The following ZFHX3 variants were observed in gnomAD, a reference collection of about 807,000 sequenced individuals.
The protein encoded by ZFHX3 is zinc finger homeobox protein 3.
Under a neutral mutation model 279.1 loss-of-function variants are expected in ZFHX3, and 42 were observed. The ratio of observed to expected loss-of-function variants is 0.15; its 90% CI spans 0.12 to 0.19. The LOEUF (loss-of-function observed/expected upper bound fraction) is 0.19. ZFHX3 is among the 10% of genes least tolerant of loss of function. ZFHX3 has a pLI of 1.00. For missense variants in ZFHX3, 4,981 were observed against 4,754.0 expected (o/e 1.05, Z -1.40); for synonymous variants, 2,293 against 1,957.8 (o/e 1.17, Z -4.52).
intron 5 of ZFHX3, among the ~76,000 whole-genome samples, chr16:72,823,655 T>C (rs1445762572): frequency 6.6e-6 from 1 of 152,218 alleles, no homozygotes; most frequent in Non-Finnish European, 1.5e-5. Context: ...GGGAAAGTTA[T>C]TAGCATTCCA....
chr16:73,727,297 T>TC (rs778751811), intron 1 of ZFHX3, among the ~76,000 whole-genome samples: 2 of 152,172 alleles, frequency 1.3e-5, no homozygotes, highest in Non-Finnish European at 2.9e-5. Context: ...GGGGACCCTC[T>TC]CCTTCAGCTA....
rs889870662 is a variant in ZFHX3, at chr16:73,556,952, G to T, written c.-1546-100694C>A. On this transcript the variant is annotated intron_variant, in intron 2 of 17. Coordinates refer to the ZFHX3 transcript ENST00000641206. ...CTACTAAAAATACAAAAAATTAGCT[G>T]GGCATGGTGGTGGGCGCCTGTAGTC... 4.6e-5 allele frequency among the ~76,000 whole-genome samples: 7 copies of T among 151,858 alleles called. No homozygotes were observed. The East Asian group carries it at 9.7e-4, about 21-fold the overall frequency.
chr16:73,224,158 C>T (rs998824984), intron 5 of ZFHX3, among the ~76,000 whole-genome samples: 1 of 151,980 alleles, frequency 6.6e-6, no homozygotes, highest in African/African-American at 2.4e-5. Flanking sequence ...AAGAGTGAAC[C>T]CTGATGTGAA....
rs1327288023 is a variant in ZFHX3 at position 73,473,352 on chromosome 16, A to C, written c.-1546-17094T>G. Among the ~76,000 whole-genome samples the C allele has an allele frequency of 1.2e-3, 60 of 49,086 alleles. 1 individual carries two copies. The highest frequency in any genetic ancestry group is 0.011 in the East Asian group (2 of 188). 32.2% of individuals were successfully genotyped at this position (49,086 alleles called of 152,430 possible). A position where few individuals can be genotyped will look rare whatever the true frequency, so the allele number is the denominator to read the frequency against. On this transcript the variant is annotated intron_variant, in intron 2 of 17. Coordinates refer to the ZFHX3 transcript ENST00000641206. ...ACTGTCTCAAAGCAAAAAAAAAAAA[A>C]AAAAACAAAAAAAAAAAAAACAAAA...
intron 1 of ZFHX3, chr16:73,015,875 A>C (rs556449444): frequency 6.6e-6 from 1 of 152,238 alleles, no homozygotes; most frequent in Non-Finnish European, 1.5e-5. Context: ...GGCTGCCCCA[A>C]TTGCACAACA....
At chr16:73,541,011 G>C (rs1013141396) in intron 2 of ZFHX3, among the ~76,000 whole-genome samples, 26 of 152,160 alleles carry the variant, frequency 1.7e-4, no homozygotes, top group African/African-American at 6.3e-4. Flanking sequence ...GCTGTTTCCA[G>C]AAACAGCAGC....
At chr16:73,573,528 A>T (rs534174198) in intron 2 of ZFHX3, among the ~76,000 whole-genome samples, 1 of 152,226 alleles carries the variant, frequency 6.6e-6, no homozygotes, top group Admixed American at 6.5e-5. Flanking sequence ...GTGATCAGTG[A>T]TCTTAGCTGT....
At chr16:73,498,988 C>T (rs1443181218) in intron 2 of ZFHX3, among the ~76,000 whole-genome samples, 1 of 152,134 alleles carries the variant, frequency 6.6e-6, no homozygotes, top group African/African-American at 2.4e-5. Flanking sequence ...AACCCATTCC[C>T]CAAAATGTGT....
intron 2 of ZFHX3, among the ~76,000 whole-genome samples, chr16:73,671,269 C>T (rs1268440201): frequency 6.6e-6 from 1 of 152,282 alleles, no homozygotes; most frequent in African/African-American, 2.4e-5. Flanking sequence ...TGATTTGCAT[C>T]CTTGGATGGG....
At chr16:73,480,935 ACTTCAAGGGAAAGGGTAAGTGG>A (rs1313964158) in intron 2 of ZFHX3, among the ~76,000 whole-genome samples, 1 of 152,200 alleles carries the variant, frequency 6.6e-6, no homozygotes, top group Admixed American at 6.5e-5. Context: ...AATGTTATTT[ACTTCAAGGGAAAGGGTAAGTGG>A]CCTCTGCAAA....
intron 2 of ZFHX3, among the ~76,000 whole-genome samples, chr16:73,610,749 T>A (rs886208205): frequency 2.6e-5 from 4 of 152,256 alleles, no homozygotes; most frequent in Non-Finnish European, 5.9e-5. Context: ...GATTGTTACA[T>A]ATCTTAGCAA....
intron 2 of ZFHX3, among the ~76,000 whole-genome samples, chr16:73,540,328 A>C (rs924625730): frequency 1.3e-5 from 2 of 152,234 alleles, no homozygotes; most frequent in African/African-American, 4.8e-5. Context: ...TTTTCCAAAT[A>C]GTTAAAGTCA....
At chr16:72,831,776 C>T (rs2037066645) in intron 4 of ZFHX3, among the ~76,000 whole-genome samples, 1 of 152,198 alleles carries the variant, frequency 6.6e-6, no homozygotes, top group South Asian at 2.1e-4. Context: ...CCCAGATGAG[C>T]TAGGTCCCTT....
chr16:73,703,475 A>G (rs1328839521), intron 1 of ZFHX3, among the ~76,000 whole-genome samples: 1 of 151,702 alleles, frequency 6.6e-6, no homozygotes, highest in Non-Finnish European at 1.5e-5. Context: ...ATTGAATTCC[A>G]CAATGCAAGA....
intron 2 of ZFHX3, among the ~76,000 whole-genome samples, chr16:73,466,402 G>A (rs1378343381): frequency 6.6e-6 from 1 of 152,192 alleles, no homozygotes; most frequent in African/African-American, 2.4e-5. Context: ...AGGATCACTT[G>A]ATCTCAGGAG....
intron 5 of ZFHX3, among the ~76,000 whole-genome samples, chr16:72,824,581 C>T (rs185363565): frequency 1.3e-4 from 20 of 152,270 alleles, no homozygotes; most frequent in African/African-American, 4.3e-4. Context: ...AGCACCAATA[C>T]CCTCTGGTCA....
intron 7 of ZFHX3, among the ~76,000 whole-genome samples, chr16:72,800,756 TA>T (rs2036074423): frequency 6.6e-6 from 1 of 152,212 alleles, no homozygotes; most frequent in Admixed American, 6.5e-5. Context: ...GTGACTCACT[TA>T]AGCCACGATT....
intron 7 of ZFHX3, among the ~76,000 whole-genome samples, chr16:73,112,373 A>C (rs1441882424): frequency 6.6e-6 from 1 of 152,112 alleles, no homozygotes; most frequent in East Asian, 1.9e-4. Context: ...TCCTAGTCTC[A>C]TAAATTAAAA....
At chr16:73,345,341 G>A (rs562417455) in intron 3 of ZFHX3, among the ~76,000 whole-genome samples, 1 of 152,088 alleles carries the variant, frequency 6.6e-6, no homozygotes, top group African/African-American at 2.4e-5. Context: ...CCATCACCTA[G>A]GTATTAAGCC....
Sources: gnomAD v4.1 joint callset for allele counts (sites outside exome capture counted in the v4.1 genomes callset) on GRCh38, gnomAD v4.1.1 for gene constraint, MANE v1.5 for transcripts, NCBI Gene and HGNC (gene_info 2026-07-23, HGNC 2026-07-21) for gene names.